Variants in SH3KBP1 observed in about 807,000 individuals in gnomAD.
The protein encoded by SH3KBP1 is SH3 domain containing kinase binding protein 1, also known as SH3 domain-containing kinase-binding protein 1.
A neutral mutation model predicts 50.1 loss-of-function variants in SH3KBP1; 8 were observed. That is an observed-to-expected ratio of 0.16 (90% confidence interval 0.09 to 0.29). The LOEUF (loss-of-function observed/expected upper bound fraction) is 0.29. SH3KBP1 is among the 10% of genes least tolerant of loss of function. The pLI is 1.00. For missense variants in SH3KBP1, 377 were observed against 535.2 expected, an observed-to-expected ratio of 0.70 and a Z score of 2.92; for synonymous variants, 227 against 218.6, an observed-to-expected ratio of 1.04 and a Z score of -0.34.
intron 6 of SH3KBP1, among the ~76,000 whole-genome samples, chrX:19,648,280 G>A (rs1341731709): frequency 9.3e-6 from 1 of 107,288 alleles, no homozygotes; most frequent in Non-Finnish European, 1.9e-5. Context: ...AAGAGAAAGA[G>A]GGAAGGAAAG....
intron 2 of SH3KBP1, among the ~76,000 whole-genome samples, chrX:19,753,781 G>A (rs1306526733): frequency 8.9e-6 from 1 of 111,764 alleles, no homozygotes; most frequent in Non-Finnish European, 1.9e-5. Flanking sequence ...CATTAGAACT[G>A]TAAAGAAGAA....
intron 5 of SH3KBP1, among the ~76,000 whole-genome samples, chrX:19,691,907 G>A (rs1315242429): frequency 3.6e-5 from 4 of 111,469 alleles, no homozygotes; most frequent in East Asian, 2.8e-4. Context: ...TGGACAAAGC[G>A]TGCAGAGGGC....
chrX:19,602,647 G>A (rs773857698), intron 9 of SH3KBP1, among the ~76,000 whole-genome samples: 19 of 111,912 alleles, frequency 1.7e-4, no homozygotes, highest in Non-Finnish European at 3.6e-4. Context: ...GGAAATTATC[G>A]GGCATCTTCA....
chrX:19,602,727 C>T (rs1446227923), intron 9 of SH3KBP1, among the ~76,000 whole-genome samples: 3 of 111,558 alleles, frequency 2.7e-5, no homozygotes, highest in Admixed American at 9.5e-5. Flanking sequence ...TAAGATGATT[C>T]TAAATAAAAA....
chrX:19,772,399 G>C (rs2065814293), intron 2 of SH3KBP1, among the ~76,000 whole-genome samples: 1 of 110,985 alleles, frequency 9.0e-6, no homozygotes, highest in South Asian at 3.8e-4. Context: ...AAGAGAGAAA[G>C]AAATGGAAGG....
chrX:19,883,272 G>A (rs764198605), intron 1 of SH3KBP1, among the ~76,000 whole-genome samples: 1 of 112,656 alleles, frequency 8.9e-6, no homozygotes, highest in East Asian at 2.8e-4. Context: ...GCCACCCTCT[G>A]AGAAGCGCTG....
At chrX:19,589,622 C>T in intron 11 of SH3KBP1, among the ~76,000 whole-genome samples, 1 of 110,688 alleles carries the variant, frequency 9.0e-6, no homozygotes, top group Non-Finnish European at 1.9e-5. Context: ...TTTCTGTTCC[C>T]AACTAGCCTT....
At chrX:19,670,296 C>A in intron 6 of SH3KBP1, 1 of 730,071 alleles carries the variant, frequency 1.4e-6, no homozygotes, top group Non-Finnish European at 1.6e-6. Context: ...CAATAGCACC[C>A]AGAAGTCACT....
intron 2 of SH3KBP1, among the ~76,000 whole-genome samples, chrX:19,824,120 A>G (rs1164820604): frequency 8.9e-6 from 1 of 111,852 alleles, no homozygotes; most frequent in East Asian, 2.8e-4. Context: ...ACACCCAGCC[A>G]GAATGTATTA....
At chrX:19,559,429 C>T (rs1224764397) in intron 13 of SH3KBP1, among the ~76,000 whole-genome samples, 15 of 103,375 alleles carry the variant, frequency 1.5e-4, no homozygotes, top group African/African-American at 2.8e-4. Flanking sequence ...CGGGTTCAAG[C>T]GATTCTCCTG....
chrX:19,572,873 C>G lies in SH3KBP1; in HGVS notation c.1299-3685G>C, dbSNP rs184400874. ...AGGGACAAAGGCAGGTTAAAAACAA[C>G]ACACACAGCAGCACACATATACCCA... On this transcript the variant is annotated intron_variant, in intron 12 of 17. Coordinates refer to ENST00000397821, the MANE Select transcript of SH3KBP1 (RefSeq NM_031892.3). Among the ~76,000 whole-genome samples, 365 of 111,941 alleles carry G rather than the reference C, an allele frequency of 3.3e-3. 4 individuals are homozygous for G. Among genetic ancestry groups the G allele is most frequent in the African/African-American group, 0.011 (341 of 30,821 alleles).
intron 6 of SH3KBP1, among the ~76,000 whole-genome samples, chrX:19,665,570 C>A (rs781418535): frequency 2.7e-5 from 3 of 111,731 alleles, no homozygotes; most frequent in South Asian, 7.5e-4. Context: ...TGTGATGTTT[C>A]CATTTGTTTC....
At chrX:19,550,709 A>G (rs1196745603) in intron 13 of SH3KBP1, among the ~76,000 whole-genome samples, 1 of 110,784 alleles carries the variant, frequency 9.0e-6, no homozygotes, top group Non-Finnish European at 1.9e-5. Context: ...CCTGCTTGGG[A>G]TGCTACTGTG....
intron 8 of SH3KBP1, among the ~76,000 whole-genome samples, chrX:19,630,900 C>T (rs1371511520): frequency 8.9e-6 from 1 of 111,893 alleles, no homozygotes; most frequent in African/African-American, 3.3e-5. Context: ...GGCCAGGTGA[C>T]ACCACAGTCT....
At chrX:19,536,929 C>T (rs1433036402) in intron 17 of SH3KBP1, among the ~76,000 whole-genome samples, 6 of 112,026 alleles carry the variant, frequency 5.4e-5, no homozygotes, top group Admixed American at 2.8e-4. Context: ...AGTCTACCTT[C>T]GGTCAATCAG....
At chrX:19,726,684 C>T (rs779807838) in intron 3 of SH3KBP1, among the ~76,000 whole-genome samples, 6 of 111,210 alleles carry the variant, frequency 5.4e-5, no homozygotes, top group Non-Finnish European at 1.1e-4. Context: ...CTTGACACAG[C>T]GCAAGTCCTC....
At chrX:19,872,325 C>A (rs2147541460) in intron 1 of SH3KBP1, among the ~76,000 whole-genome samples, 1 of 97,936 alleles carries the variant, frequency 1.0e-5, no homozygotes, top group Non-Finnish European at 2.1e-5. Context: ...GGAGAGAAAA[C>A]AAAGGAACCA....
At position 19,782,223 on chromosome X, in the gene SH3KBP1, G is replaced by A. The variant is rs182187352; in HGVS notation, c.163-35782C>T. Among the ~76,000 whole-genome samples the A allele has an allele frequency of 3.7e-3, 412 of 111,609 alleles. 2 individuals carry two copies. The highest frequency in any genetic ancestry group is 0.02 in the South Asian group (53 of 2,652). ...GAGGAGAAGGCAATGTGAAGAGGAA[G>A]GCAGAGAGAGGAGTGATGCGGCTGG... On this transcript the variant is annotated intron_variant, in intron 2 of 17. Coordinates refer to ENST00000397821, the MANE Select transcript of SH3KBP1 (RefSeq NM_031892.3).
chrX:19,705,675 C>A (rs1004252001), intron 4 of SH3KBP1, among the ~76,000 whole-genome samples: 1 of 111,548 alleles, frequency 9.0e-6, no homozygotes, highest in African/African-American at 3.3e-5. Flanking sequence ...CTGCTTGGCA[C>A]ACTATGTACT....
Sources: gnomAD v4.1 joint callset for allele counts (sites outside exome capture counted in the v4.1 genomes callset) on GRCh38, gnomAD v4.1.1 for gene constraint, MANE v1.5 for transcripts, NCBI Gene and HGNC (gene_info 2026-07-23, HGNC 2026-07-21) for gene names.